The following AMPH variants were observed in gnomAD, a reference collection of about 807,000 sequenced individuals.
The protein encoded by AMPH is amphiphysin (Stiff-Mann syndrome with breast cancer 128kD autoantigen).
A neutral mutation model predicts 99.1 loss-of-function variants in AMPH; 49 were observed. The observed-to-expected ratio is 0.49, with a 90% CI of 0.39 to 0.63. The LOEUF (loss-of-function observed/expected upper bound fraction) is 0.63, where lower values mean the gene tolerates loss of function less well. Ranked by LOEUF, AMPH falls within the 20% of genes least tolerant of loss-of-function variation. The pLI, the probability that AMPH is intolerant of heterozygous loss-of-function variation, is 0.00. For missense variants in AMPH, 759 were observed against 863.4 expected (o/e 0.88, Z 1.52); for synonymous variants, 314 against 317.3 (o/e 0.99, Z 0.11).
At chr7:38,423,884 T>C (rs1785686109) in intron 15 of AMPH, among the ~76,000 whole-genome samples, 1 of 152,060 alleles carries the variant, frequency 6.6e-6, no homozygotes, top group Non-Finnish European at 1.5e-5. Flanking sequence ...GCAGAAGACT[T>C]GAGATTAATT....
Position 38,391,993 on chromosome 7 carries a change from T to G in AMPH, c.1633A>C (p.Ile545Leu), listed in dbSNP as rs200653835. 1.1e-5 allele frequency: 17 copies of G among 1,607,506 alleles called. No homozygotes were observed. In the East Asian group the frequency reaches 3.1e-4, roughly 30 times the overall value. The change falls in exon 19 of 21, where the codon ATA becomes CTA. Residue 545 changes from isoleucine (I) to leucine (L), a missense_variant. Coordinates refer to ENST00000356264, the MANE Select transcript of AMPH (RefSeq NM_001635.4). ...TCTTCATGGTTGGAGGCAGGCTCTA[T>G]GACCACCGAAGGAATGACCTTCTCC... ...PQEKVIPSVVIEPASNHEEEG... is the reference protein window; with the variant it reads ...PQEKVIPSVVLEPASNHEEEG...
chr7:38,478,484 G>T (rs966362285), intron 5 of AMPH, among the ~76,000 whole-genome samples: 4 of 152,156 alleles, frequency 2.6e-5, no homozygotes, highest in African/African-American at 9.6e-5. Flanking sequence ...TGACAAAAAG[G>T]CTGGCCAATT....
chr7:38,431,681 T>C (rs1344618336), intron 13 of AMPH, among the ~76,000 whole-genome samples: 1 of 151,176 alleles, frequency 6.6e-6, no homozygotes, highest in Non-Finnish European at 1.5e-5. Context: ...AAAAAAGTAA[T>C]TGCTCAAAGT....
rs566443341 is a variant in AMPH, at chr7:38,400,573, G to A, written c.1399-6359C>T. On this transcript the variant is annotated intron_variant, in intron 17 of 20. Transcript: ENST00000356264. ...GTAAAATAGGGAAACACAACTGGGT[G>A]ACAGAAACTAGCCAGTCCTGCTATG... 4.6e-5 allele frequency among the ~76,000 whole-genome samples: 7 copies of A among 152,362 alleles called. No homozygotes were observed. The South Asian group carries it at 1.2e-3, about 27-fold the overall frequency.
At chr7:38,507,686 C>T (rs955399132) in intron 2 of AMPH, among the ~76,000 whole-genome samples, 1 of 152,032 alleles carries the variant, frequency 6.6e-6, no homozygotes, top group Non-Finnish European at 1.5e-5. Context: ...ATGTATTGCA[C>T]ATGTGTGTGC....
At chr7:38,485,180 GT>G (rs1038755534) in intron 5 of AMPH, among the ~76,000 whole-genome samples, 8 of 151,956 alleles carry the variant, frequency 5.3e-5, no homozygotes, top group Non-Finnish European at 8.8e-5. Flanking sequence ...AAGACATAGA[GT>G]GGCTAAATGA....
chr7:38,432,235 A>G (rs199697790), intron 12 of AMPH, 23 bp from the exon 13 acceptor site: 10 of 1,604,592 alleles, frequency 6.2e-6, no homozygotes, highest in Non-Finnish European at 8.5e-6. Flanking sequence ...AAACAAAAAT[A>G]CTGTTAGTTA....
intron 1 of AMPH, among the ~76,000 whole-genome samples, chr7:38,629,177 C>T (rs1466331263): frequency 6.6e-6 from 1 of 152,184 alleles, no homozygotes; most frequent in East Asian, 1.9e-4. Flanking sequence ...TTTCCTTTCT[C>T]CAGCAGCCTC....
At chr7:38,554,102 C>T (rs1199095835) in intron 1 of AMPH, among the ~76,000 whole-genome samples, 1 of 152,214 alleles carries the variant, frequency 6.6e-6, no homozygotes, top group Non-Finnish European at 1.5e-5. Context: ...CTGGGACTAG[C>T]TTCCTGACAC....
intron 1 of AMPH, among the ~76,000 whole-genome samples, chr7:38,564,259 T>A (rs1454458628): frequency 6.6e-6 from 1 of 152,034 alleles, no homozygotes; most frequent in Non-Finnish European, 1.5e-5. Context: ...GGGACTAAAG[T>A]GGAGATGAGG....
chr7:38,606,164 T>C (rs564729343), intron 1 of AMPH, among the ~76,000 whole-genome samples: 1 of 152,280 alleles, frequency 6.6e-6, no homozygotes, highest in South Asian at 2.1e-4. Flanking sequence ...TTGGGGTATC[T>C]TTGGTTTAGG....
intron 19 of AMPH, 46 bp from the exon 20 acceptor site, chr7:38,389,951 T>A (rs36122520): frequency 0.11 from 149,331 of 1,402,464 alleles, 8,521 homozygotes; most frequent in Middle Eastern, 0.14. Context: ...CAGCCAGATT[T>A]CAAGCAGACA....
At chr7:38,500,654 C>CA (rs936259461) in intron 3 of AMPH, among the ~76,000 whole-genome samples, 2 of 152,110 alleles carry the variant, frequency 1.3e-5, no homozygotes, top group East Asian at 1.9e-4. Flanking sequence ...TCCACATTTT[C>CA]AAAAAAATCA....
chr7:38,437,639 A>AAGAAAAAGAAAAG (rs1554336210), intron 11 of AMPH, among the ~76,000 whole-genome samples: 20 of 96,728 alleles, frequency 2.1e-4, no homozygotes, highest in African/African-American at 8.1e-4. Context: ...AAAAAAAAAA[A>AAGAAAAAGAAAAG]AAAAGAAAAG....
intron 1 of AMPH, among the ~76,000 whole-genome samples, chr7:38,572,360 T>C (rs527490456): frequency 6.6e-6 from 1 of 152,342 alleles, no homozygotes; most frequent in South Asian, 2.1e-4. Flanking sequence ...GGCTATGCTA[T>C]ACAGCCCTGG....
At chr7:38,392,102 G>A in intron 18 of AMPH, 85 bp from the exon 19 acceptor site, 1 of 1,421,046 alleles carries the variant, frequency 7.0e-7, no homozygotes, top group Non-Finnish European at 9.5e-7. Flanking sequence ...TTAGCCCCCA[G>A]CCCAAAGCTG....
chr7:38,428,106 C>T (rs1050408896), intron 14 of AMPH: 1 of 456,740 alleles, frequency 2.2e-6, no homozygotes, highest in Non-Finnish European at 4.4e-6. Context: ...TGAATGTGTC[C>T]AGCTATTATC....
At chr7:38,615,604 G>A (rs1044186763) in intron 1 of AMPH, among the ~76,000 whole-genome samples, 1 of 151,640 alleles carries the variant, frequency 6.6e-6, no homozygotes, top group Non-Finnish European at 1.5e-5. Context: ...TCTCCTCCCT[G>A]AGAAGTGAGG....
chr7:38,627,387 C>CAA (rs70977419), intron 1 of AMPH, among the ~76,000 whole-genome samples: 5,425 of 116,914 alleles, frequency 0.046, 293 homozygotes, highest in Admixed American at 0.099. Flanking sequence ...ACTAAAAATA[C>CAA]AAAAAAAAAA....
Sources: gnomAD v4.1 joint callset for allele counts (sites outside exome capture counted in the v4.1 genomes callset) on GRCh38, gnomAD v4.1.1 for gene constraint, MANE v1.5 for transcripts, NCBI Gene and HGNC (gene_info 2026-07-23, HGNC 2026-07-21) for gene names.